WNT2B: variants seen among roughly 807,000 people sequenced by gnomAD.
WNT2B encodes the protein Wnt family member 2B.
WNT2B carries 19 observed loss-of-function variants against 40.5 expected under a neutral mutation model. That is an observed-to-expected ratio of 0.47 (90% confidence interval 0.33 to 0.69). The LOEUF (loss-of-function observed/expected upper bound fraction) is 0.69, where lower values mean the gene tolerates loss of function less well. Among genes scored for constraint, WNT2B ranks in the 30% least tolerant of loss-of-function variants. The pLI, the probability that WNT2B is intolerant of heterozygous loss-of-function variation, is 0.02. For missense variants in WNT2B, 467 were observed against 556.4 expected, an observed-to-expected ratio of 0.84 and a Z score of 1.62; for synonymous variants, 220 against 211.9, an observed-to-expected ratio of 1.04 and a Z score of -0.33.
intron 1 of WNT2B, among the ~76,000 whole-genome samples, chr1:112,502,252 C>T (rs1201885077): frequency 6.6e-6 from 1 of 152,152 alleles, no homozygotes; most frequent in Non-Finnish European, 1.5e-5. Context: ...TCCCCGTGCC[C>T]TCCAGCTGCC....
intron 1 of WNT2B, among the ~76,000 whole-genome samples, chr1:112,474,839 T>A (rs1001565151): frequency 1.3e-5 from 2 of 152,216 alleles, no homozygotes; most frequent in Non-Finnish European, 2.9e-5. Flanking sequence ...GTTCTCATGA[T>A]AATGAGTAAG....
chr1:112,507,545 G>A (rs1203943825), upstream of WNT2B, among the ~76,000 whole-genome samples: 1 of 152,216 alleles, frequency 6.6e-6, no homozygotes, highest in Non-Finnish European at 1.5e-5. Context: ...GGACCCGGAG[G>A]CGGTGGGGAG....
chr1:112,490,318 C>T (rs1651556886), intron 1 of WNT2B, among the ~76,000 whole-genome samples: 1 of 152,128 alleles, frequency 6.6e-6, no homozygotes, highest in South Asian at 2.1e-4. Flanking sequence ...TAGAGAAAAT[C>T]GGCCTTGGGA....
In WNT2B at chr1:112,484,260, T is replaced by TATATATACAC. The variant is rs1651334779; in HGVS notation, c.-95+16676_-95+16677insCACATATATA. Among the ~76,000 whole-genome samples the TATATATACAC allele has an allele frequency of 4.1e-3, 292 of 70,622 alleles. 1 individual carries two copies. Among genetic ancestry groups the TATATATACAC allele is most frequent in the African/African-American group, 0.013 (263 of 20,768 alleles). The allele number at this position is 70,622 out of a possible 152,430, so 46.3% of individuals were successfully genotyped here. ...ATATATATACACATATATATACACA[T>TATATATACAC]ATATATATACACATATATATATATA... On this transcript the variant is annotated intron_variant, in intron 1 of 4. Coordinates refer to the WNT2B transcript ENST00000256640.
intron 1 of WNT2B, among the ~76,000 whole-genome samples, chr1:112,497,618 T>C (rs1651817731): frequency 6.6e-6 from 1 of 152,226 alleles, no homozygotes; most frequent in Admixed American, 6.5e-5. Context: ...TGGGTCATTC[T>C]CCCATTGTCT....
chr1:112,508,709 C>A, upstream of WNT2B: 1 of 985,562 alleles, frequency 1.0e-6, no homozygotes. This position sits in a 1 kb window ranked among gnomAD's most constrained non-coding sequence, Gnocchi z 4.2. Context: ...GACCCGGTGG[C>A]GCGGTGTCGG....
rs143822295 is a variant in WNT2B, at chr1:112,495,345, G to A, written c.-94-19529G>A. ...TAATCCCAGCACTTTGGGAGGCTGA[G>A]GTGGGCAGATCACGAGGTCAGGAGA... On this transcript the variant is annotated intron_variant, in intron 1 of 4. Coordinates refer to the WNT2B transcript ENST00000256640. Among the ~76,000 whole-genome samples, 448 of 152,152 alleles carry A rather than the reference G, an allele frequency of 2.9e-3. 6 individuals are homozygous for A. The highest frequency in any genetic ancestry group is 0.01 in the African/African-American group (423 of 41,424).
intron 1 of WNT2B, among the ~76,000 whole-genome samples, chr1:112,488,677 G>T (rs58903835): frequency 6.6e-6 from 1 of 150,760 alleles, no homozygotes; most frequent in African/African-American, 2.4e-5. Context: ...TCAGCCTCCC[G>T]AGTAGCTGGG....
chr1:112,469,695 C>A (rs1557904631), intron 1 of WNT2B, among the ~76,000 whole-genome samples: 1 of 152,066 alleles, frequency 6.6e-6, no homozygotes, highest in African/African-American at 2.4e-5. Flanking sequence ...CTCACTACAA[C>A]CTCCGTCTCC....
In WNT2B at chr1:112,521,681, T is replaced by G. The variant is rs889271545; in HGVS notation, c.*1172T>G. ...TGACTCTCCAAGTCCTAGTGATTAT[T>G]ATTATTGTTCACTCCACATTTGGCT... On this transcript the variant is annotated 3_prime_UTR_variant, in exon 5 of 5. Transcript: ENST00000369684. The G allele has an allele frequency of 6.6e-6, 1 of 152,176 alleles. No homozygotes were observed. Among genetic ancestry groups the G allele is most frequent in the Non-Finnish European group, 1.5e-5 (1 of 68,046 alleles). 9.4% of individuals were successfully genotyped at this position (152,176 alleles called of 1,614,324 possible).
Position 112,516,136 on chromosome 1 carries a change from C to T in WNT2B, c.404-4C>T. 1 of 1,608,706 alleles carries T rather than the reference C, an allele frequency of 6.2e-7. No individual in the cohort carries two copies. Among genetic ancestry groups the T allele is most frequent in the Non-Finnish European group, 8.5e-7 (1 of 1,176,088 alleles). ...GAAGCACACCTCTACAATTCTCTCT[C>T]TAGGTAGCCGAGAGGCAGCTTTTGT... On this transcript the variant is annotated splice_region_variant and splice_polypyrimidine_tract_variant and intron_variant, in intron 2 of 4. Transcript: ENST00000369684.
At chr1:112,478,626 A>G (rs1297667647) in intron 1 of WNT2B, among the ~76,000 whole-genome samples, 1 of 152,190 alleles carries the variant, frequency 6.6e-6, no homozygotes, top group Non-Finnish European at 1.5e-5. Context: ...TTTTCCTTTA[A>G]AAATGAAGGA....
Position 112,525,812 on chromosome 1 carries a change from T to C in WNT2B, c.*5303T>C. 3.3e-6 allele frequency: 2 copies of C among 598,868 alleles called. 1 individual carries two copies. Among genetic ancestry groups the C allele is most frequent in the South Asian group, 6.8e-5 (2 of 29,628 alleles). 37.1% of individuals were successfully genotyped at this position (598,868 alleles called of 1,614,324 possible). On this transcript the variant is annotated 3_prime_UTR_variant, in exon 5 of 5. Coordinates refer to ENST00000369684, the MANE Select transcript of WNT2B (RefSeq NM_024494.3). ...AAGAAAAAAGGAAGACAATTTCATC[T>C]ACAGTTGTCCTTTTTGACAGCTTCC...
intron 1 of WNT2B, among the ~76,000 whole-genome samples, chr1:112,498,776 A>G (rs1361398979): frequency 6.6e-6 from 1 of 152,192 alleles, no homozygotes; most frequent in Non-Finnish European, 1.5e-5. Flanking sequence ...TCATTAAGAG[A>G]GAAGCTTTCC....
Position 112,515,455 on chromosome 1 carries a change from G to A in WNT2B, c.403+361G>A, listed in dbSNP as rs72993050. ...TGTTCTTAACACCACCATCACTATC[G>A]TCACCCCAACACTCCCAACACTACA... On this transcript the variant is annotated intron_variant, in intron 2 of 4. Transcript: ENST00000369684. The surrounding 1 kb of genome is among the most constrained non-coding windows in gnomAD (Gnocchi z 4.4). Among the ~76,000 whole-genome samples, 21 of 152,148 alleles carry A rather than the reference G, an allele frequency of 1.4e-4. No homozygotes were observed. Among genetic ancestry groups the A allele is most frequent in the African/African-American group, 3.1e-4 (13 of 41,468 alleles).
chr1:112,491,122 A>T (rs2101064977), intron 1 of WNT2B: 1 of 1,591,152 alleles, frequency 6.3e-7, no homozygotes, highest in Non-Finnish European at 8.6e-7. Context: ...ATTATAAAAA[A>T]TAAATTGGCC....
rs143399209 is a variant in WNT2B, at chr1:112,483,553, G to T, written c.-95+15962G>T. On this transcript the variant is annotated intron_variant, in intron 1 of 4. Coordinates refer to the WNT2B transcript ENST00000256640. ...AGAAAACATAGGGGAACATTTTCTT[G>T]ATATTGGCCTGGGAAATGATTTTTT... Among the ~76,000 whole-genome samples, 457 of 145,898 alleles carry T rather than the reference G, an allele frequency of 3.1e-3. 1 individual carries two copies. The highest frequency in any genetic ancestry group is 0.011 in the African/African-American group (432 of 38,042).
Position 112,520,836 on chromosome 1 carries a change from C to T in WNT2B, c.*327C>T. 3.2e-6 allele frequency: 1 copy of T among 314,868 alleles called. No individual in the cohort carries two copies. The highest frequency in any genetic ancestry group is 5.9e-6 in the Non-Finnish European group (1 of 170,006). The allele number at this position is 314,868 out of a possible 1,614,324, so 19.5% of individuals were successfully genotyped here. A position where few individuals can be genotyped will look rare whatever the true frequency, so the allele number is the denominator to read the frequency against. ...AGGCTCCTTTTTTCTTTCCTTTGCA[C>T]CAGCTTCCCGATACTTCTTGGTGTG... On this transcript the variant is annotated 3_prime_UTR_variant, in exon 5 of 5. Transcript: ENST00000369684.
At position 112,514,632 on chromosome 1, in the gene WNT2B, C is replaced by T. The variant is rs1024557212; in HGVS notation, c.183-242C>T. The T allele has an allele frequency of 1.1e-5, 6 of 565,662 alleles. No homozygotes were observed. In the East Asian group the frequency reaches 1.8e-4, roughly 17 times the overall value. The allele number at this position is 565,662 out of a possible 1,614,324, so 35.0% of individuals were successfully genotyped here. ...TTCTGGGAGTGTATGTCACTTTGGCCTTTGGCTGGGGAACTGGTGATGGTG... is the reference window on the plus strand; with the variant it reads ...TTCTGGGAGTGTATGTCACTTTGGCTTTTGGCTGGGGAACTGGTGATGGTG... On this transcript the variant is annotated intron_variant, in intron 1 of 4. Coordinates refer to ENST00000369684, the MANE Select transcript of WNT2B (RefSeq NM_024494.3).
Sources: allele counts gnomAD v4.1 joint callset (sites outside exome capture counted in the v4.1 genomes callset), GRCh38; gene constraint gnomAD v4.1.1; non-coding constraint Gnocchi (gnomAD v3.1); transcripts MANE v1.5; gene names NCBI Gene and HGNC (gene_info 2026-07-23, HGNC 2026-07-21).